CTNNA3: variants seen among roughly 807,000 people sequenced by gnomAD.
CTNNA3 encodes catenin alpha-3.
A neutral mutation model predicts 95.7 loss-of-function variants in CTNNA3; 76 were observed. The observed-to-expected ratio is 0.79, with a 90% confidence interval of 0.66 to 0.96. The LOEUF (loss-of-function observed/expected upper bound fraction) is 0.96. CTNNA3 is among the 40% of genes least tolerant of loss of function. The pLI is 0.00. For synonymous variants in CTNNA3, 431 were observed against 374.4 expected (o/e 1.15, Z -1.74); for missense variants, 1,191 against 1,089.8 (o/e 1.09, Z -1.31).
At chr10:66,778,089 A>G (rs1441295058) in intron 7 of CTNNA3, among the ~76,000 whole-genome samples, 1 of 152,154 alleles carries the variant, frequency 6.6e-6, no homozygotes, top group Non-Finnish European at 1.5e-5. Context: ...TGTCTAGGCA[A>G]TAATAAACAG....
intron 7 of CTNNA3, among the ~76,000 whole-genome samples, chr10:67,178,211 G>T (rs989660796): frequency 4.6e-5 from 7 of 152,106 alleles, no homozygotes; most frequent in African/African-American, 1.7e-4. Flanking sequence ...GGGTCATTTG[G>T]TGGGGCCACA....
At chr10:66,167,500 A>T (rs2085197197) in intron 13 of CTNNA3, among the ~76,000 whole-genome samples, 1 of 152,170 alleles carries the variant, frequency 6.6e-6, no homozygotes. Flanking sequence ...GTTCCTACTT[A>T]GAAGTAGGAT....
chr10:66,253,791 A>T (rs2090652500), intron 13 of CTNNA3, among the ~76,000 whole-genome samples: 1 of 152,154 alleles, frequency 6.6e-6, no homozygotes, highest in African/African-American at 2.4e-5. Context: ...AATTATTAAA[A>T]AGGAACTTGA....
intron 4 of CTNNA3, among the ~76,000 whole-genome samples, chr10:67,531,408 T>A (rs904544289): frequency 6.6e-6 from 1 of 152,200 alleles, no homozygotes; most frequent in East Asian, 1.9e-4. Flanking sequence ...ATGTGAGACA[T>A]GGAGTCAAAG....
chr10:67,584,832 G>A (rs1043845412), intron 3 of CTNNA3, among the ~76,000 whole-genome samples: 8 of 152,220 alleles, frequency 5.3e-5, no homozygotes, highest in African/African-American at 1.7e-4. Context: ...TGCTAGCAAT[G>A]AGCGAGGCTC....
intron 1 of CTNNA3, among the ~76,000 whole-genome samples, chr10:67,726,346 T>TA (rs1841216406): frequency 1.5e-5 from 1 of 67,120 alleles, no homozygotes; most frequent in East Asian, 6.1e-4. Context: ...ATATATAATA[T>TA]ATGATATATA....
At chr10:66,261,080 A>G (rs1388038965) in intron 13 of CTNNA3, among the ~76,000 whole-genome samples, 2 of 152,082 alleles carry the variant, frequency 1.3e-5, no homozygotes, top group Non-Finnish European at 2.9e-5. Context: ...AGGTAAAATG[A>G]GAGAATGTAT....
At chr10:67,206,237 C>T (rs987409998) in intron 6 of CTNNA3, among the ~76,000 whole-genome samples, 1 of 152,152 alleles carries the variant, frequency 6.6e-6, no homozygotes, top group Non-Finnish European at 1.5e-5. Flanking sequence ...TATCATTTAT[C>T]TTGAGAACAT....
intron 6 of CTNNA3, among the ~76,000 whole-genome samples, chr10:67,190,552 A>C (rs1055583842): frequency 6.6e-5 from 10 of 151,982 alleles, no homozygotes; most frequent in Non-Finnish European, 1.2e-4. Flanking sequence ...CAAATTCTTA[A>C]ATTTTAAAAA....
At chr10:66,552,858 C>CA (rs1173042538) in intron 10 of CTNNA3, among the ~76,000 whole-genome samples, 1 of 151,780 alleles carries the variant, frequency 6.6e-6, no homozygotes, top group Admixed American at 6.6e-5. Context: ...GGCACATTTT[C>CA]CTTTTTTTCC....
intron 7 of CTNNA3, among the ~76,000 whole-genome samples, chr10:66,831,964 A>C (rs745867470): frequency 9.9e-5 from 15 of 152,190 alleles, no homozygotes; most frequent in Non-Finnish European, 1.8e-4. Context: ...ATATAGAGCA[A>C]ATCCTTTATC....
intron 7 of CTNNA3, among the ~76,000 whole-genome samples, chr10:67,164,462 A>G (rs1237257247): frequency 2.0e-5 from 3 of 152,114 alleles, no homozygotes; most frequent in Non-Finnish European, 4.4e-5. Context: ...ATGGATCATA[A>G]ATACAAAATC....
intron 7 of CTNNA3, among the ~76,000 whole-genome samples, chr10:67,090,958 CA>C (rs1857596199): frequency 6.6e-6 from 1 of 151,912 alleles, no homozygotes; most frequent in Non-Finnish European, 1.5e-5. Flanking sequence ...ACTTAGAAAC[CA>C]AAATAGTGAT....
intron 12 of CTNNA3, among the ~76,000 whole-genome samples, chr10:66,332,411 A>ATACGTTCCATCAATACC (rs547582871): frequency 0.42 from 61,907 of 146,866 alleles, 14,366 homozygotes; most frequent in Non-Finnish European, 0.52. Flanking sequence ...TTATTTTGAG[A>ATACGTTCCATCAATACC]TAATTTATTG....
At chr10:66,327,005 G>A (rs2092262077) in intron 12 of CTNNA3, among the ~76,000 whole-genome samples, 1 of 152,052 alleles carries the variant, frequency 6.6e-6, no homozygotes, top group Non-Finnish European at 1.5e-5. Flanking sequence ...GCAGCTAATT[G>A]TGTTGAAAAT....
chr10:67,260,205 T>C (rs1440220367), intron 5 of CTNNA3, among the ~76,000 whole-genome samples: 1 of 152,116 alleles, frequency 6.6e-6, no homozygotes, highest in Non-Finnish European at 1.5e-5. Context: ...TTCAGCATGA[T>C]AATGGAGAAG....
At chr10:66,734,373 T>C (rs189100177) in intron 9 of CTNNA3, among the ~76,000 whole-genome samples, 1 of 152,228 alleles carries the variant, frequency 6.6e-6, no homozygotes, top group African/African-American at 2.4e-5. Flanking sequence ...ATAATAATAA[T>C]AATGGGAATC....
chr10:67,491,448 A>T (rs980023224), intron 5 of CTNNA3, among the ~76,000 whole-genome samples: 17 of 152,216 alleles, frequency 1.1e-4, no homozygotes, highest in African/African-American at 3.4e-4. Flanking sequence ...TCGAAACACC[A>T]TAAAGTAGTA....
At chr10:67,263,525 T>TA (rs932679127) in intron 5 of CTNNA3, among the ~76,000 whole-genome samples, 1 of 152,050 alleles carries the variant, frequency 6.6e-6, no homozygotes, top group African/African-American at 2.4e-5. Context: ...CTATTCATTA[T>TA]AAAAAAGGAA....
Sources: allele counts gnomAD v4.1 joint callset (sites outside exome capture counted in the v4.1 genomes callset), GRCh38; gene constraint gnomAD v4.1.1; transcripts MANE v1.5; gene names NCBI Gene and HGNC (gene_info 2026-07-23, HGNC 2026-07-21).